SLC22A3: variants seen among roughly 807,000 people sequenced by gnomAD.
The protein encoded by SLC22A3 is EMT organic cation transporter 3.
SLC22A3 carries 51 observed loss-of-function variants against 59.1 expected under a neutral mutation model. The ratio of observed to expected loss-of-function variants is 0.86; its 90% CI spans 0.69 to 1.09. The LOEUF is 1.09. Ranked by LOEUF, SLC22A3 falls within the 50% of genes least tolerant of loss-of-function variation. SLC22A3 has a pLI of 0.00. For synonymous variants in SLC22A3, 325 were observed against 292.0 expected (o/e 1.11, Z -1.15); for missense variants, 711 against 726.3 (o/e 0.98, Z 0.24).
At chr6:160,436,686 T>C (rs1583511874) in intron 5 of SLC22A3, 94 bp from the exon 6 acceptor site, 1 of 787,652 alleles carries the variant, frequency 1.3e-6, no homozygotes, top group East Asian at 2.6e-5. Context: ...GTCACTTCAG[T>C]AAGATCATTT....
intron 1 of SLC22A3, among the ~76,000 whole-genome samples, chr6:160,352,189 G>C (rs138160767): frequency 6.6e-6 from 1 of 152,142 alleles, no homozygotes; most frequent in Non-Finnish European, 1.5e-5. Flanking sequence ...CACCACCTTC[G>C]CATCTTACAA....
intron 5 of SLC22A3, among the ~76,000 whole-genome samples, chr6:160,413,641 C>T (rs1787348071): frequency 6.6e-6 from 1 of 152,206 alleles, no homozygotes; most frequent in Non-Finnish European, 1.5e-5. Flanking sequence ...GGAGCAAGAA[C>T]TATTCCTGTG....
intron 1 of SLC22A3, among the ~76,000 whole-genome samples, chr6:160,362,040 T>C (rs955096909): frequency 6.6e-6 from 1 of 152,214 alleles, no homozygotes; most frequent in African/African-American, 2.4e-5. Flanking sequence ...ATACTGCAGA[T>C]ACCTTGATCC....
chr6:160,348,675 C>CGCCGCG lies in SLC22A3; in HGVS notation c.262_267dup (p.Gly88_Arg89dup). The CGCCGCG allele has an allele frequency of 6.6e-7, 1 of 1,506,562 alleles. No homozygotes were observed. The highest frequency in any genetic ancestry group is 8.8e-7 in the Non-Finnish European group (1 of 1,135,766). The allele number at this position is 1,506,562 out of a possible 1,614,324, so 93.3% of individuals were successfully genotyped here. ...CTCCCGCGGCCCAGAGCCCCCCGAG[C>CGCCGCG]GCCGCGGCCGCTGCCAGCGCTACCT... On this transcript the variant is annotated inframe_insertion, in exon 1 of 11. Transcript: ENST00000275300.
chr6:160,449,707 C>T (rs1381433282), intron 10 of SLC22A3, among the ~76,000 whole-genome samples: 1 of 152,140 alleles, frequency 6.6e-6, no homozygotes, highest in Non-Finnish European at 1.5e-5. Context: ...GAGGAACCAG[C>T]CCCCAATATT....
chr6:160,348,693 C>A lies in SLC22A3; in HGVS notation c.274C>A (p.Arg92Ser), dbSNP rs1244654253. ...CCCCGAGCGCCGCGGCCGCTGCCAG[C>A]GCTACCTCCTGGAGGCGGCCAACGA... ...EPPERRGRCQRYLLEAANDSA... is the reference protein window; with the variant it reads ...EPPERRGRCQSYLLEAANDSA... The change falls in exon 1 of 11, where the codon CGC becomes AGC. Residue 92 changes from arginine (R) to serine (S), a missense_variant. By Grantham distance (110) the Arg-to-Ser change is moderately radical. Transcript: ENST00000275300. 1 of 1,513,656 alleles carries A rather than the reference C, an allele frequency of 6.6e-7. No individual in the cohort carries two copies. The highest frequency in any genetic ancestry group is 1.4e-5 in the African/African-American group (1 of 69,692). The allele number at this position is 1,513,656 out of a possible 1,614,324, so 93.8% of individuals were successfully genotyped here.
chr6:160,443,686 C>T lies in SLC22A3; in HGVS notation c.1454C>T (p.Pro485Leu). The change falls in exon 9 of 11, where the codon CCA (proline) becomes CTA (leucine). Residue 485 changes from proline (P) to leucine (L), a missense_variant. Coordinates refer to ENST00000275300, the MANE Select transcript of SLC22A3 (RefSeq NM_021977.4). ...GLCDFGGIIA[P>L]FLLFRLAAVW... ...TGTGATTTTGGGGGAATCATAGCCCCATTTCTGCTCTTTCGGCTAGCAGCC... is the reference window on the plus strand; with the variant it reads ...TGTGATTTTGGGGGAATCATAGCCCTATTTCTGCTCTTTCGGCTAGCAGCC... The T allele has an allele frequency of 6.2e-7, 1 of 1,613,942 alleles. No homozygotes were observed. Among genetic ancestry groups the T allele is most frequent in the Non-Finnish European group, 8.5e-7 (1 of 1,179,904 alleles).
At chr6:160,359,959 T>A (rs1045029474) in intron 1 of SLC22A3, among the ~76,000 whole-genome samples, 2 of 152,242 alleles carry the variant, frequency 1.3e-5, no homozygotes, top group African/African-American at 4.8e-5. Flanking sequence ...TAACTCATTA[T>A]CTTATTACAA....
chr6:160,441,872 A>G (rs1195664188), intron 7 of SLC22A3, among the ~76,000 whole-genome samples: 2 of 152,364 alleles, frequency 1.3e-5, no homozygotes, highest in East Asian at 1.9e-4. Flanking sequence ...GTTCATGCAG[A>G]CATATGTCCT....
At chr6:160,432,415 A>G (rs936227743) in intron 5 of SLC22A3, among the ~76,000 whole-genome samples, 13 of 151,654 alleles carry the variant, frequency 8.6e-5, no homozygotes, top group Non-Finnish European at 1.9e-4. Flanking sequence ...TTTTGTTACA[A>G]AAATAATGTA....
intron 1 of SLC22A3, among the ~76,000 whole-genome samples, chr6:160,360,624 G>A (rs1784982220): frequency 6.6e-6 from 1 of 152,158 alleles, no homozygotes; most frequent in Non-Finnish European, 1.5e-5. Flanking sequence ...TTGAAGTACT[G>A]TCCTGACCCG....
chr6:160,404,649 A>AT (rs1402187842), intron 2 of SLC22A3, among the ~76,000 whole-genome samples: 2 of 152,124 alleles, frequency 1.3e-5, no homozygotes, highest in Non-Finnish European at 2.9e-5. Flanking sequence ...GTACTGAAGG[A>AT]GAAGAACAAA....
chr6:160,360,089 T>C (rs1014554429), intron 1 of SLC22A3, among the ~76,000 whole-genome samples: 2 of 152,230 alleles, frequency 1.3e-5, no homozygotes, highest in African/African-American at 4.8e-5. Context: ...TATTTTTCCT[T>C]ACTAAACTTT....
intron 5 of SLC22A3, among the ~76,000 whole-genome samples, chr6:160,432,738 A>G (rs1048027363): frequency 1.3e-5 from 2 of 152,228 alleles, no homozygotes; most frequent in African/African-American, 4.8e-5. Context: ...TGAAAAGAAG[A>G]AAGTAATTAA....
intron 1 of SLC22A3, among the ~76,000 whole-genome samples, chr6:160,376,273 A>G (rs892643985): frequency 1.3e-5 from 2 of 152,016 alleles, no homozygotes; most frequent in Non-Finnish European, 2.9e-5. Context: ...GTTCTCACTC[A>G]TAAGTGGGAG....
chr6:160,449,974 A>T (rs1788888357), intron 10 of SLC22A3, among the ~76,000 whole-genome samples: 1 of 152,226 alleles, frequency 6.6e-6, no homozygotes, highest in Admixed American at 6.5e-5. Context: ...CAAAGGGCAA[A>T]AACAAACATC....
intron 1 of SLC22A3, among the ~76,000 whole-genome samples, chr6:160,366,203 A>G (rs1554267237): frequency 6.6e-6 from 1 of 152,216 alleles, no homozygotes; most frequent in Non-Finnish European, 1.5e-5. Context: ...TAAAAAGTCC[A>G]AGTCCAAAGT....
chr6:160,446,502 G>A (rs1222905272), intron 9 of SLC22A3, among the ~76,000 whole-genome samples: 1 of 152,130 alleles, frequency 6.6e-6, no homozygotes, highest in Non-Finnish European at 1.5e-5. Flanking sequence ...GCAGGTAAGA[G>A]AAGAGCAAGG....
At chr6:160,404,773 A>G (rs1203412513) in intron 2 of SLC22A3, among the ~76,000 whole-genome samples, 1 of 151,998 alleles carries the variant, frequency 6.6e-6, no homozygotes, top group African/African-American at 2.4e-5. Context: ...GGAATAAAAT[A>G]GAGGGCCTAG....
Sources: allele counts gnomAD v4.1 joint callset (sites outside exome capture counted in the v4.1 genomes callset), GRCh38; gene constraint gnomAD v4.1.1; transcripts MANE v1.5; gene names NCBI Gene and HGNC (gene_info 2026-07-23, HGNC 2026-07-21).